Variants in RBBP4 observed in about 807,000 individuals in gnomAD.
The protein encoded by RBBP4 is histone-binding protein RBBP4.
In RBBP4, 3 loss-of-function variants were observed where a neutral mutation model predicts 57.2. The ratio of observed to expected loss-of-function variants is 0.05; its 90% CI spans 0.02 to 0.14. The LOEUF (loss-of-function observed/expected upper bound fraction) is 0.14, where lower values mean the gene tolerates loss of function less well. RBBP4 is among the 10% of genes least tolerant of loss of function. The pLI is 1.00. For missense variants in RBBP4, 107 were observed against 520.6 expected (o/e 0.21, Z 7.73); for synonymous variants, 151 against 171.5 (o/e 0.88, Z 0.93).
At chr1:32,677,451 C>T (rs1649149132) in intron 11 of RBBP4, among the ~76,000 whole-genome samples, 1 of 146,108 alleles carries the variant, frequency 6.8e-6, no homozygotes, top group African/African-American at 2.5e-5. Context: ...CATGTGGTTC[C>T]TCAGTTGTAT....
chr1:32,656,998 A>G (rs911466798), intron 2 of RBBP4, among the ~76,000 whole-genome samples: 2 of 152,154 alleles, frequency 1.3e-5, no homozygotes, highest in African/African-American at 4.8e-5. Context: ...GCTCTTGGCC[A>G]GGCACGGTGG....
chr1:32,663,579 AAT>A (rs1648514382), intron 3 of RBBP4, among the ~76,000 whole-genome samples: 1 of 59,564 alleles, frequency 1.7e-5, no homozygotes, highest in Admixed American at 1.8e-4. Flanking sequence ...CAGCCCCTGA[AAT>A]ATTTTTTTTT....
intron 8 of RBBP4, among the ~76,000 whole-genome samples, chr1:32,672,066 T>C (rs1205418843): frequency 1.3e-5 from 2 of 152,048 alleles, no homozygotes; most frequent in Non-Finnish European, 2.9e-5. Context: ...CGATCTCAGC[T>C]CCAACCTCTG....
rs187006107 is a variant in RBBP4 at position 32,666,604 on chromosome 1, G to A, written c.311-1621G>A. ...ACTCCTGACCTCAGGTGATCTGCCCGCTTCAGCCTCCCAAAGTGCTGGGAT... is the reference window on the plus strand; with the variant it reads ...ACTCCTGACCTCAGGTGATCTGCCCACTTCAGCCTCCCAAAGTGCTGGGAT... On this transcript the variant is annotated intron_variant, in intron 3 of 11. Coordinates refer to ENST00000373493, the MANE Select transcript of RBBP4 (RefSeq NM_005610.3). 2.9e-3 allele frequency among the ~76,000 whole-genome samples: 443 copies of A among 152,228 alleles called. 4 individuals are homozygous for A. Among genetic ancestry groups the A allele is most frequent in the African/African-American group, 0.01 (426 of 41,540 alleles).
intron 3 of RBBP4, among the ~76,000 whole-genome samples, chr1:32,659,780 G>A (rs1482901727): frequency 6.6e-6 from 1 of 152,150 alleles, no homozygotes; most frequent in Admixed American, 6.6e-5. Context: ...GTTAGTAGAT[G>A]GAGACCTGCC....
chr1:32,677,502 AAAC>A (rs1304668310), intron 11 of RBBP4, among the ~76,000 whole-genome samples: 1 of 151,524 alleles, frequency 6.6e-6, no homozygotes, highest in Non-Finnish European at 1.5e-5. Context: ...AACAAACAAA[AAAC>A]AGTAATAGTA....
chr1:32,671,649 A>G (rs1648880732), intron 8 of RBBP4, among the ~76,000 whole-genome samples: 1 of 152,074 alleles, frequency 6.6e-6, no homozygotes, highest in African/African-American at 2.4e-5. Context: ...CCTTGAGCCC[A>G]AGAGTTCAAG....
At chr1:32,675,902 G>A (rs950275606) in intron 11 of RBBP4, among the ~76,000 whole-genome samples, 1 of 151,898 alleles carries the variant, frequency 6.6e-6, no homozygotes, top group Non-Finnish European at 1.5e-5. Context: ...ACTAGCCTGG[G>A]CAATAAAGTG....
chr1:32,661,794 T>G (rs1316002344), intron 3 of RBBP4, among the ~76,000 whole-genome samples: 1 of 74,092 alleles, frequency 1.3e-5, no homozygotes, highest in Non-Finnish European at 3.4e-5. Flanking sequence ...TGATTGGTGA[T>G]GTTGATCTTT....
At chr1:32,651,732 C>A in intron 1 of RBBP4, 182 bp from the exon 2 acceptor site, 1 of 822,554 alleles carries the variant, frequency 1.2e-6, no homozygotes. Context: ...GAGTGTTTGG[C>A]GGGGATGGCC....
chr1:32,684,558 AGT>A lies in RBBP4; in HGVS notation c.*4855_*4856del. 1.1e-6 allele frequency: 1 copy of A among 890,936 alleles called. No individual in the cohort carries two copies. 55.2% of individuals were successfully genotyped at this position (890,936 alleles called of 1,614,324 possible). A position where few individuals can be genotyped will look rare whatever the true frequency, so the allele number is the denominator to read the frequency against. ...CAAAGAAGTTGTGTCTTGGAAAAAA[AGT>A]GACAATGCTTTTGAAAATGATGACG... On this transcript the variant is annotated 3_prime_UTR_variant, in exon 12 of 12. Transcript: ENST00000373493.
At chr1:32,655,327 G>T (rs183801382) in intron 2 of RBBP4, among the ~76,000 whole-genome samples, 32 of 152,260 alleles carry the variant, frequency 2.1e-4, no homozygotes, top group African/African-American at 7.5e-4. Flanking sequence ...CAGCCCTGAT[G>T]CAGTGTTTAC....
rs562375210 is a variant in RBBP4 at position 32,685,714 on chromosome 1, C to T, written c.*6009C>T. 1 of 152,332 alleles carries T rather than the reference C, an allele frequency of 6.6e-6. No individual in the cohort carries two copies. The highest frequency in any genetic ancestry group is 2.1e-4 in the South Asian group (1 of 4,824). 9.4% of individuals were successfully genotyped at this position (152,332 alleles called of 1,614,324 possible). On this transcript the variant is annotated 3_prime_UTR_variant, in exon 12 of 12. Transcript: ENST00000373493. ...TGCTGTCCTGATTGCTCAGTCCTCA[C>T]TACCTACCAGACCCGTTGGTAAGGT...
intron 3 of RBBP4, among the ~76,000 whole-genome samples, chr1:32,660,704 C>T (rs947663343): frequency 3.3e-5 from 5 of 151,794 alleles, no homozygotes; most frequent in Non-Finnish European, 7.4e-5. Flanking sequence ...AGTATGTGTT[C>T]ATCTATTGTT....
chr1:32,653,158 ATTAG>A (rs1344310095), intron 2 of RBBP4, among the ~76,000 whole-genome samples: 39 of 152,168 alleles, frequency 2.6e-4, no homozygotes, highest in Middle Eastern at 3.2e-3. Context: ...GGGGATCCAA[ATTAG>A]TTATAATTAG....
chr1:32,670,699 A>G (rs1028602655), intron 8 of RBBP4, among the ~76,000 whole-genome samples: 28 of 152,160 alleles, frequency 1.8e-4, no homozygotes, highest in Non-Finnish European at 2.8e-4. Flanking sequence ...CAGCCTCCCA[A>G]AGTGCTGGGA....
At chr1:32,652,870 C>T (rs914405088) in intron 2 of RBBP4, among the ~76,000 whole-genome samples, 1 of 152,128 alleles carries the variant, frequency 6.6e-6, no homozygotes, top group Non-Finnish European at 1.5e-5. Flanking sequence ...TTTGAATTCT[C>T]GTAGTATGTC....
chr1:32,678,281 C>T (rs1010835454), intron 11 of RBBP4, among the ~76,000 whole-genome samples: 6 of 152,276 alleles, frequency 3.9e-5, no homozygotes, highest in African/African-American at 1.2e-4. Flanking sequence ...GGCTGGAGTG[C>T]AGTGGTGTGA....
chr1:32,668,214 T>G lies in RBBP4; in HGVS notation c.311-11T>G, dbSNP rs750361950. ...TTGTTTTGTCCTCATTTGCAATTAA[T>G]TTATTCACAGAATTTGGAGGTTTTG... On this transcript the variant is annotated splice_polypyrimidine_tract_variant and intron_variant, in intron 3 of 11. Transcript: ENST00000373493. 1 of 1,607,494 alleles carries G rather than the reference T, an allele frequency of 6.2e-7. No individual in the cohort carries two copies. The highest frequency in any genetic ancestry group is 8.5e-7 in the Non-Finnish European group (1 of 1,175,466).
Sources: allele counts gnomAD v4.1 joint callset (sites outside exome capture counted in the v4.1 genomes callset), GRCh38; gene constraint gnomAD v4.1.1; transcripts MANE v1.5; gene names NCBI Gene and HGNC (gene_info 2026-07-23, HGNC 2026-07-21).